Variants in EML1 observed in about 807,000 individuals in gnomAD.
The protein encoded by EML1 is EMAP like 1, also known as echinoderm microtubule-associated protein-like 1.
EML1 carries 27 observed loss-of-function variants against 110.4 expected under a neutral mutation model. The observed-to-expected ratio is 0.24, with a 90% CI of 0.18 to 0.34. EML1 has a LOEUF of 0.34. Among genes scored for constraint, EML1 ranks in the 10% least tolerant of loss-of-function variants. EML1 has a pLI of 1.00. For missense variants in EML1, 741 were observed against 1,030.9 expected (o/e 0.72, Z 3.85); for synonymous variants, 344 against 385.8 (o/e 0.89, Z 1.27).
At chr14:99,737,738 G>A (rs1269279604) in exon 1 of EML1, 54 of 1,232,246 alleles carry the variant, frequency 4.4e-5, no homozygotes, top group Non-Finnish European at 5.0e-5. Flanking sequence ...GGCTGGACGC[G>A]GAGGAGCCCC....
At chr14:99,844,490 A>G (rs2058678688) in intron 1 of EML1, among the ~76,000 whole-genome samples, 1 of 152,098 alleles carries the variant, frequency 6.6e-6, no homozygotes, top group South Asian at 2.1e-4. Flanking sequence ...AAAAAAAAAA[A>G]AAAATTGGCA....
intron 1 of EML1, among the ~76,000 whole-genome samples, chr14:99,744,045 G>A (rs984075942): frequency 7.9e-5 from 12 of 151,998 alleles, no homozygotes; most frequent in African/African-American, 2.2e-4. Flanking sequence ...GTAAAAGGTC[G>A]CCCATAGACA....
chr14:99,810,192 G>A (rs148227809), intron 1 of EML1, among the ~76,000 whole-genome samples: 2 of 152,202 alleles, frequency 1.3e-5, no homozygotes, highest in African/African-American at 4.8e-5. Context: ...GTGTCCTTCA[G>A]AACCAGCCAG....
chr14:99,753,243 C>T (rs1295219205), intron 1 of EML1, among the ~76,000 whole-genome samples: 5 of 145,826 alleles, frequency 3.4e-5, no homozygotes, highest in South Asian at 2.2e-4. Context: ...ACCTGCTTTC[C>T]GAGGGGCATT....
chr14:99,932,494 C>T (rs1178919914), intron 17 of EML1, among the ~76,000 whole-genome samples: 1 of 151,908 alleles, frequency 6.6e-6, no homozygotes, highest in African/African-American at 2.4e-5. Flanking sequence ...AAATAATTAG[C>T]CAGACGCGGT....
intron 1 of EML1, among the ~76,000 whole-genome samples, chr14:99,774,583 C>G (rs2057461834): frequency 2.0e-5 from 3 of 152,234 alleles, no homozygotes; most frequent in Admixed American, 1.3e-4. Flanking sequence ...AGCCCCTGCT[C>G]TAGCCCTGGC....
chr14:99,831,650 A>G (rs2058455853), intron 1 of EML1, among the ~76,000 whole-genome samples: 1 of 152,144 alleles, frequency 6.6e-6, no homozygotes, highest in Admixed American at 6.5e-5. Flanking sequence ...TTAAGAAAAA[A>G]AATCTGCTGC....
intron 17 of EML1, among the ~76,000 whole-genome samples, chr14:99,927,793 T>TGGTGG (rs1403520973): frequency 4.4e-5 from 1 of 22,890 alleles, no homozygotes; most frequent in East Asian, 1.3e-3. Context: ...GGTGGTGGTA[T>TGGTGG]TGGTGGTGGG....
chr14:99,889,635 G>T (rs746429404), intron 4 of EML1, among the ~76,000 whole-genome samples: 3 of 152,164 alleles, frequency 2.0e-5, no homozygotes, highest in Non-Finnish European at 4.4e-5. Flanking sequence ...GGCTGACTTC[G>T]GGGAGGATGG....
intron 1 of EML1, among the ~76,000 whole-genome samples, chr14:99,820,417 C>T (rs1335448888): frequency 1.3e-5 from 2 of 152,158 alleles, no homozygotes; most frequent in Non-Finnish European, 2.9e-5. Flanking sequence ...AGCCCGTGCT[C>T]AGCAGCTGGC....
intron 4 of EML1, among the ~76,000 whole-genome samples, chr14:99,882,962 C>A (rs1457384890): frequency 6.6e-6 from 1 of 152,156 alleles, no homozygotes; most frequent in Non-Finnish European, 1.5e-5. Context: ...GGGCTGGACA[C>A]CTTGAGCGCC....
At chr14:99,743,546 T>C (rs1490194573) in intron 1 of EML1, among the ~76,000 whole-genome samples, 1 of 152,176 alleles carries the variant, frequency 6.6e-6, no homozygotes, top group East Asian at 1.9e-4. Context: ...TGCTGATTTG[T>C]TAGCACCCAC....
chr14:99,850,152 T>G (rs760934483), intron 1 of EML1: 43 of 496,476 alleles, frequency 8.7e-5, no homozygotes, highest in Non-Finnish European at 1.4e-4. Flanking sequence ...TTGCCTAGGC[T>G]GATATCAAAC....
Position 99,937,846 on chromosome 14 carries a change from AGT to A in EML1, c.2129_2130del (p.Val710GlyfsTer7). The A allele has an allele frequency of 6.2e-7, 1 of 1,614,168 alleles. No homozygotes were observed. Among genetic ancestry groups the A allele is most frequent in the Non-Finnish European group, 8.5e-7 (1 of 1,179,990 alleles). On this transcript the variant is annotated frameshift_variant, in exon 20 of 22. Transcript: ENST00000262233. LOFTEE classifies it high-confidence loss of function. ...WVPSACKQVV[S>X]VETTRDIEWA... is the part of the protein sequence containing the mutation. ...TCCCTCTGCCTGTAAGCAAGTCGTA[AGT>A]GTGGAAACTACAAGAGACATTGAAT...
At chr14:99,904,767 A>G in intron 9 of EML1, among the ~76,000 whole-genome samples, 1 of 152,128 alleles carries the variant, frequency 6.6e-6, no homozygotes, top group South Asian at 2.1e-4. Context: ...TAAGAGAGAA[A>G]CTTTATCCAG....
At chr14:99,891,354 C>T (rs773776819) in intron 5 of EML1, 127 bp downstream of exon 5, 132 of 1,172,778 alleles carry the variant, frequency 1.1e-4, no homozygotes, top group Middle Eastern at 5.9e-4. Context: ...TGTGCAGGCC[C>T]AGATGGAGCT....
At chr14:99,887,252 C>T (rs1393708244) in intron 4 of EML1, among the ~76,000 whole-genome samples, 2 of 152,238 alleles carry the variant, frequency 1.3e-5, no homozygotes, top group African/African-American at 4.8e-5. Flanking sequence ...AGGGAGCATA[C>T]AGCCGAGCTC....
At chr14:99,912,372 C>T (rs1045384471) in intron 13 of EML1, among the ~76,000 whole-genome samples, 14 of 152,068 alleles carry the variant, frequency 9.2e-5, no homozygotes, top group African/African-American at 3.4e-4. Flanking sequence ...CCGGTAGGCA[C>T]CAGAGGCAAG....
intron 6 of EML1, among the ~76,000 whole-genome samples, chr14:99,894,965 C>T (rs111225983): frequency 2.8e-4 from 43 of 152,226 alleles, no homozygotes; most frequent in African/African-American, 8.7e-4. Flanking sequence ...TTCATAAGAG[C>T]GGCTTATTAT....
Sources: gnomAD v4.1 joint callset for allele counts (sites outside exome capture counted in the v4.1 genomes callset) on GRCh38, gnomAD v4.1.1 for gene constraint, MANE v1.5 for transcripts, NCBI Gene and HGNC (gene_info 2026-07-23, HGNC 2026-07-21) for gene names.